Variants in RIC1 observed in about 807,000 individuals in gnomAD.
RIC1 encodes the protein guanine nucleotide exchange factor subunit RIC1.
RIC1 carries 88 observed loss-of-function variants against 169.0 expected under a neutral mutation model. That is an observed-to-expected ratio of 0.52 (90% CI 0.44 to 0.62). RIC1 has a LOEUF of 0.62. Ranked by LOEUF, RIC1 falls within the 20% of genes least tolerant of loss-of-function variation. The pLI, the probability that RIC1 is intolerant of heterozygous loss-of-function variation, is 0.00. For synonymous variants in RIC1, 790 were observed against 601.5 expected, an observed-to-expected ratio of 1.31 and a Z score of -4.59; for missense variants, 1,877 against 1,725.5, an observed-to-expected ratio of 1.09 and a Z score of -1.56.
intron 2 of RIC1, among the ~76,000 whole-genome samples, chr9:5,659,648 G>C (rs192424176): frequency 8.5e-5 from 13 of 152,194 alleles, no homozygotes; most frequent in Admixed American, 8.5e-4. Context: ...CTATGAACAT[G>C]CAATGTCTTA....
chr9:5,678,628 T>C lies in RIC1; in HGVS notation c.253-11331T>C, dbSNP rs989644611. Among the ~76,000 whole-genome samples the C allele has an allele frequency of 1.1e-4, 17 of 152,250 alleles. 1 individual carries two copies. The highest frequency in any genetic ancestry group is 5.9e-4 in the Admixed American group (9 of 15,284). Reference sequence around the variant, plus strand: ...GATGAGCATTTTTTCATGTGTTTTTTGGCTGCATAAATGTCTTCTTTTGAG... The same window carrying C: ...GATGAGCATTTTTTCATGTGTTTTTCGGCTGCATAAATGTCTTCTTTTGAG... On this transcript the variant is annotated intron_variant, in intron 2 of 25. Transcript: ENST00000414202.
chr9:5,732,330 G>T, intron 6 of RIC1, 58 bp from the exon 7 acceptor site: 2 of 1,285,388 alleles, frequency 1.6e-6, no homozygotes, highest in South Asian at 2.6e-5. Context: ...GAATTATATT[G>T]ACTACGGTAA....
Position 5,629,369 on chromosome 9 carries a change from G to A in RIC1, c.60G>A (p.Glu20=), listed in dbSNP as rs1174670997. The A allele has an allele frequency of 1.3e-6, 2 of 1,534,350 alleles. No homozygotes were observed. The highest frequency in any genetic ancestry group is 1.2e-5 in the South Asian group (1 of 83,774). ...TGTGCCCTCTGGGGAGCCCGGCCGAGGCGCCTTTCCACGTTCAGTCCGACC... is the reference window on the plus strand; with the variant it reads ...TGTGCCCTCTGGGGAGCCCGGCCGAAGCGCCTTTCCACGTTCAGTCCGACC... The part of the protein sequence containing the change: ...RLLCPLGSPA[E]APFHVQSDPQ... The change falls in exon 1 of 26, where the codon GAG becomes GAA. Residue 20 remains glutamate (E), a synonymous_variant. Coordinates refer to ENST00000414202, the MANE Select transcript of RIC1 (RefSeq NM_020829.4).
chr9:5,658,090 G>A (rs1819211843), intron 2 of RIC1, among the ~76,000 whole-genome samples: 1 of 152,036 alleles, frequency 6.6e-6, no homozygotes, highest in Non-Finnish European at 1.5e-5. Flanking sequence ...CATTTCAAGT[G>A]TACACATATT....
chr9:5,674,120 A>G (rs1455577061), intron 2 of RIC1, among the ~76,000 whole-genome samples: 1 of 152,172 alleles, frequency 6.6e-6, no homozygotes, highest in Non-Finnish European at 1.5e-5. Flanking sequence ...GTTTGTGCAA[A>G]TGTCCCTGGA....
chr9:5,663,577 GC>G (rs1215616551), intron 2 of RIC1, among the ~76,000 whole-genome samples: 2 of 152,026 alleles, frequency 1.3e-5, no homozygotes, highest in Non-Finnish European at 1.5e-5. Context: ...AACGCCCTTT[GC>G]CTTTTTTATC....
In RIC1 at chr9:5,746,016, T is replaced by C; in HGVS notation, c.1181T>C (p.Val394Ala). The change falls in exon 11 of 26, where the codon GTA becomes GCA. Residue 394 changes from valine to alanine, a missense_variant. This residue lies in a region of RIC1 where 1,104 missense variants were observed against 992.0 expected (regional missense o/e 1.11). Transcript: ENST00000414202. ...GAAATTGAGTCTGACCTCAGGAGTG[T>C]AGTTAAACAGCCCAGCATCCTGTTA... The part of the protein sequence containing the change: ...NTEIESDLRS[V>A]VKQPSILLFQ... 1 of 1,613,718 alleles carries C rather than the reference T, an allele frequency of 6.2e-7. No homozygotes were observed. Among genetic ancestry groups the C allele is most frequent in the Non-Finnish European group, 8.5e-7 (1 of 1,179,660 alleles).
chr9:5,707,379 T>G (rs989604593), intron 3 of RIC1, among the ~76,000 whole-genome samples: 5 of 152,154 alleles, frequency 3.3e-5, no homozygotes, highest in South Asian at 2.1e-4. Flanking sequence ...TCAGTATGTG[T>G]CTTAGGTCTA....
At chr9:5,652,110 C>T (rs553795952) in intron 1 of RIC1, among the ~76,000 whole-genome samples, 1 of 145,654 alleles carries the variant, frequency 6.9e-6, no homozygotes, top group South Asian at 2.1e-4. Flanking sequence ...TTGGTTAATA[C>T]AGCTTTGTAG....
chr9:5,745,732 G>A (rs1825336887), intron 10 of RIC1, among the ~76,000 whole-genome samples, 199 bp from the exon 11 acceptor site: 1 of 152,184 alleles, frequency 6.6e-6, no homozygotes, highest in Non-Finnish European at 1.5e-5. Context: ...AGAGAGCAGT[G>A]ATGGTGATTT....
rs147266157 is a variant in RIC1 at position 5,716,695 on chromosome 9, C to T, written c.440+2692C>T. Among the ~76,000 whole-genome samples, 111 of 152,292 alleles carry T rather than the reference C, an allele frequency of 7.3e-4. 1 individual carries two copies. Among genetic ancestry groups the T allele is most frequent in the Non-Finnish European group, 8.7e-4 (59 of 68,018 alleles). On this transcript the variant is annotated intron_variant, in intron 4 of 25. Transcript: ENST00000414202. The stretch of plus-strand genomic sequence containing the variant: ...ACAGGGTTCTGACATCGCCCTACTA[C>T]GCCAATAATGAATCCTTCAGTTGGC...
In RIC1 at chr9:5,770,165, A is replaced by T. The variant is rs765772977; in HGVS notation, c.3503A>T (p.Gln1168Leu). Residue 1168 changes from glutamine (Q) to leucine (L), a missense_variant, in exon 23 of 26, where the codon CAG (glutamine) becomes CTG (leucine). Around this residue, in one of 3 missense-constraint regions of RIC1, gnomAD observed 681 missense variants for 582.0 expected, o/e 1.17. Transcript: ENST00000414202. ...ATGGATGCTGGCATCTCCAACATCC[A>T]GCGAAGTCAGAGCTGGCTCAGCAAC... ...LEMDAGISNI[Q>L]RSQSWLSNIG... 3.1e-6 allele frequency: 5 copies of T among 1,614,008 alleles called. No individual in the cohort carries two copies. The highest frequency in any genetic ancestry group is 3.3e-5 in the Admixed American group (2 of 60,014).
intron 2 of RIC1, among the ~76,000 whole-genome samples, chr9:5,665,331 G>A (rs1819689690): frequency 6.6e-6 from 1 of 152,168 alleles, no homozygotes; most frequent in African/African-American, 2.4e-5. Context: ...CTAAGAACTT[G>A]GCACGTCCTG....
chr9:5,634,523 G>C (rs1375068418), intron 1 of RIC1, among the ~76,000 whole-genome samples: 1 of 152,066 alleles, frequency 6.6e-6, no homozygotes, highest in Non-Finnish European at 1.5e-5. Context: ...TAAAACATCT[G>C]TTCAGATCTC....
chr9:5,685,571 A>ATG (rs900039195), intron 2 of RIC1, among the ~76,000 whole-genome samples: 34 of 151,302 alleles, frequency 2.2e-4, no homozygotes, highest in Non-Finnish European at 4.3e-4. Context: ...CTGGCTAGCC[A>ATG]TATGTAGAAA....
At chr9:5,776,786 A>G (rs1827613137), downstream of RIC1, among the ~76,000 whole-genome samples, 1 of 152,100 alleles carries the variant, frequency 6.6e-6, no homozygotes, top group Admixed American at 6.6e-5. Flanking sequence ...AAAATGTTCA[A>G]AATATAATGA....
intron 1 of RIC1, among the ~76,000 whole-genome samples, chr9:5,638,126 C>G (rs947537173): frequency 6.6e-6 from 1 of 152,176 alleles, no homozygotes; most frequent in Non-Finnish European, 1.5e-5. Context: ...GTCCTTCATT[C>G]TGTTGATATG....
At chr9:5,751,940 T>C (rs1483229299) in intron 12 of RIC1, among the ~76,000 whole-genome samples, 1 of 152,250 alleles carries the variant, frequency 6.6e-6, no homozygotes, top group Non-Finnish European at 1.5e-5. Flanking sequence ...TGTGACAACT[T>C]TTCTTAGAGT....
chr9:5,659,082 C>A (rs1021620525), intron 2 of RIC1, among the ~76,000 whole-genome samples: 1 of 152,020 alleles, frequency 6.6e-6, no homozygotes, highest in African/African-American at 2.4e-5. Context: ...ATCTAATTCT[C>A]ATTAGTGGAT....
Sources: allele counts gnomAD v4.1 joint callset (sites outside exome capture counted in the v4.1 genomes callset), GRCh38; gene constraint gnomAD v4.1.1; regional missense constraint gnomAD v4.1.1; transcripts MANE v1.5; gene names NCBI Gene and HGNC (gene_info 2026-07-23, HGNC 2026-07-21).